The following CENPC variants were observed in gnomAD, a reference collection of about 807,000 sequenced individuals.
The protein encoded by CENPC is CENP-C 1.
In CENPC, 63 loss-of-function variants were observed where a neutral mutation model predicts 112.1. The ratio of observed to expected loss-of-function variants is 0.56; its 90% CI spans 0.46 to 0.69. The LOEUF (loss-of-function observed/expected upper bound fraction) is 0.69. Among genes scored for constraint, CENPC ranks in the 30% least tolerant of loss-of-function variants. CENPC has a pLI of 0.00. For synonymous variants in CENPC, 333 were observed against 367.6 expected (o/e 0.91, Z 1.08); for missense variants, 1,000 against 1,103.8 (o/e 0.91, Z 1.33).
At chr4:67,538,454 T>C (rs1383134369) in intron 4 of CENPC, among the ~76,000 whole-genome samples, 2 of 152,108 alleles carry the variant, frequency 1.3e-5, no homozygotes, top group East Asian at 1.9e-4. Context: ...AAATACGACA[T>C]TGAAAAACCA....
intron 17 of CENPC, among the ~76,000 whole-genome samples, chr4:67,480,394 C>T (rs1327222405): frequency 1.3e-5 from 2 of 152,132 alleles, no homozygotes; most frequent in African/African-American, 4.8e-5. Context: ...ATCAGACATT[C>T]AATTTATCTA....
intron 4 of CENPC, among the ~76,000 whole-genome samples, chr4:67,534,960 T>C (rs1307431405): frequency 6.6e-6 from 1 of 151,898 alleles, no homozygotes; most frequent in Non-Finnish European, 1.5e-5. Flanking sequence ...TCAAGGAATA[T>C]AATAAAAATT....
intron 7 of CENPC, among the ~76,000 whole-genome samples, chr4:67,516,447 A>T (rs1253944768): frequency 2.6e-5 from 4 of 152,048 alleles, no homozygotes; most frequent in Admixed American, 6.5e-5. Flanking sequence ...AAACAAAGAC[A>T]GAATGCAAAA....
intron 16 of CENPC, among the ~76,000 whole-genome samples, chr4:67,491,525 A>AGAGAGAGAGAGAGCGAGC (rs1553893257): frequency 1.5e-5 from 2 of 130,092 alleles, no homozygotes; most frequent in African/African-American, 5.7e-5. Flanking sequence ...AGAGAGAGAG[A>AGAGAGAGAGAGAGCGAGC]GAGCCTGGTT....
chr4:67,487,351 G>A (rs1349961610), intron 17 of CENPC, among the ~76,000 whole-genome samples: 2 of 151,574 alleles, frequency 1.3e-5, no homozygotes, highest in Non-Finnish European at 2.9e-5. Flanking sequence ...GAAATTCATG[G>A]ATTTAGATAT....
intron 7 of CENPC, 138 bp from the exon 8 acceptor site, chr4:67,514,825 C>T (rs890550296): frequency 1.2e-6 from 1 of 849,042 alleles, no homozygotes; most frequent in African/African-American, 1.7e-5. Flanking sequence ...CTTAATCTTA[C>T]AAATCTTTCC....
chr4:67,509,734 T>C (rs1725842576), intron 9 of CENPC, among the ~76,000 whole-genome samples: 1 of 152,150 alleles, frequency 6.6e-6, no homozygotes, highest in South Asian at 2.1e-4. Flanking sequence ...GAAGTCCTCA[T>C]TATTTCATAT....
intron 17 of CENPC, among the ~76,000 whole-genome samples, chr4:67,486,506 G>C (rs1725098198): frequency 6.6e-6 from 1 of 152,184 alleles, no homozygotes; most frequent in Non-Finnish European, 1.5e-5. Flanking sequence ...TACAGTGATT[G>C]GTTGATCTGT....
chr4:67,535,538 G>T (rs372135953), intron 4 of CENPC, among the ~76,000 whole-genome samples: 6 of 152,074 alleles, frequency 3.9e-5, no homozygotes, highest in East Asian at 1.9e-4. Flanking sequence ...ATAGAAAACT[G>T]GTGATGAATT....
In CENPC at chr4:67,512,493, T is replaced by C. The variant is rs1282114878; in HGVS notation, c.1521A>G (p.Lys507=). 1 of 1,595,048 alleles carries C rather than the reference T, an allele frequency of 6.3e-7. No individual in the cohort carries two copies. Among genetic ancestry groups the C allele is most frequent in the Non-Finnish European group, 8.5e-7 (1 of 1,170,204 alleles). ...KKRFSSESKN[K]LVPEEVTSTV... is the part of the protein sequence containing the mutation. ...TTGAAGTCACTTCTTCAGGTACAAGTTTGTTCTTGGACTCACTGGAAAAGC... is the reference window on the plus strand; with the variant it reads ...TTGAAGTCACTTCTTCAGGTACAAGCTTGTTCTTGGACTCACTGGAAAAGC... Residue 507 remains lysine, a synonymous_variant, in exon 9 of 19, where the codon AAA becomes AAG. Transcript: ENST00000273853.
At chr4:67,503,590 A>G (rs1725651946) in intron 12 of CENPC, among the ~76,000 whole-genome samples, 1 of 152,138 alleles carries the variant, frequency 6.6e-6, no homozygotes, top group Non-Finnish European at 1.5e-5. Context: ...CCTTAAAATA[A>G]TAAGTAAATA....
chr4:67,512,917 AT>A (rs1428636134), intron 8 of CENPC, among the ~76,000 whole-genome samples: 1 of 152,140 alleles, frequency 6.6e-6, no homozygotes, highest in Non-Finnish European at 1.5e-5. Context: ...TGAAATAATG[AT>A]TTTTTTCAAC....
chr4:67,539,982 C>T (rs1310845064), intron 3 of CENPC, 48 bp from the exon 4 acceptor site: 3 of 956,028 alleles, frequency 3.1e-6, no homozygotes, highest in African/African-American at 3.5e-5. Flanking sequence ...AGTGTAATAT[C>T]TATTAGTCAC....
At chr4:67,484,432 A>T (rs1376882985) in intron 17 of CENPC, among the ~76,000 whole-genome samples, 1 of 152,234 alleles carries the variant, frequency 6.6e-6, no homozygotes, top group Non-Finnish European at 1.5e-5. Flanking sequence ...GTGGCCTGTT[A>T]GGAATGGGCT....
chr4:67,538,152 A>G (rs1484028237), intron 4 of CENPC, among the ~76,000 whole-genome samples: 1 of 152,236 alleles, frequency 6.6e-6, no homozygotes, highest in African/African-American at 2.4e-5. Context: ...CAAGACCAGT[A>G]CAAACACAGA....
Position 67,541,031 on chromosome 4 carries a change from C to T in CENPC, c.85G>A (p.Glu29Lys). 6.2e-7 allele frequency: 1 copy of T among 1,609,620 alleles called. No homozygotes were observed. The highest frequency in any genetic ancestry group is 8.5e-7 in the Non-Finnish European group (1 of 1,177,832). The change falls in exon 3 of 19, where the codon GAG (glutamate) becomes AAG (lysine). Residue 29 changes from glutamate to lysine, a missense_variant. By Grantham distance (56) the Glu-to-Lys change is moderately conservative. Coordinates refer to ENST00000273853, the MANE Select transcript of CENPC (RefSeq NM_001812.4). ...ATTTCCAGAACATTCTGGCCTTGCT[C>T]TGTGTTAATGTCACGTGCCCTAATA... ...RPSRARDINT[E>K]QGQNVLEILQ... is the part of the protein sequence containing the mutation.
At chr4:67,484,115 C>T (rs1302716943) in intron 17 of CENPC, among the ~76,000 whole-genome samples, 1 of 152,060 alleles carries the variant, frequency 6.6e-6, no homozygotes, top group Non-Finnish European at 1.5e-5. Flanking sequence ...TGGTAAGTGC[C>T]CTATAAGGGT....
Position 67,472,380 on chromosome 4 carries a change from A to G in CENPC, c.*225T>C. 1 of 397,832 alleles carries G rather than the reference A, an allele frequency of 2.5e-6. No individual in the cohort carries two copies. Among genetic ancestry groups the G allele is most frequent in the Non-Finnish European group, 3.9e-6 (1 of 256,070 alleles). The allele number at this position is 397,832 out of a possible 1,614,324, so 24.6% of individuals were successfully genotyped here. A position where few individuals can be genotyped will look rare whatever the true frequency, so the allele number is the denominator to read the frequency against. On this transcript the variant is annotated 3_prime_UTR_variant, in exon 19 of 19. Transcript: ENST00000273853. Reference sequence around the variant, plus strand: ...CATATTCTTGTCAAATTATAAAAATAATATCATAAATATGGACATCGCTAC... The same window carrying G: ...CATATTCTTGTCAAATTATAAAAATGATATCATAAATATGGACATCGCTAC...
In CENPC at chr4:67,509,009, T is replaced by C. The variant is rs1466727909; in HGVS notation, c.1709A>G (p.Asn570Ser). 1 of 1,613,256 alleles carries C rather than the reference T, an allele frequency of 6.2e-7. No homozygotes were observed. The highest frequency in any genetic ancestry group is 1.7e-5 in the Admixed American group (1 of 59,878). ...AAGTGGAATAGTTTTTTTCCTAATA[T>C]TCTTAGATGACTGATTTGTTTTCTT... ...STKKTNQSSK[N>S]IRKKTIPLKR... The change falls in exon 10 of 19, where the codon AAT (asparagine) becomes AGT (serine). Residue 570 changes from asparagine (N) to serine (S), a missense_variant. By Grantham distance (46) the Asn-to-Ser change is conservative. Coordinates refer to ENST00000273853, the MANE Select transcript of CENPC (RefSeq NM_001812.4).
Sources: allele counts gnomAD v4.1 joint callset (sites outside exome capture counted in the v4.1 genomes callset), GRCh38; gene constraint gnomAD v4.1.1; transcripts MANE v1.5; gene names NCBI Gene and HGNC (gene_info 2026-07-23, HGNC 2026-07-21).